Variants in ZCCHC14 observed in about 807,000 individuals in gnomAD.
ZCCHC14 encodes zinc finger CCHC domain-containing protein 14.
In ZCCHC14, 16 loss-of-function variants were observed where a neutral mutation model predicts 85.0. That is an observed-to-expected ratio of 0.19 (90% CI 0.13 to 0.29). The LOEUF (loss-of-function observed/expected upper bound fraction) is 0.29. ZCCHC14 is among the 10% of genes least tolerant of loss of function. The pLI is 1.00. For synonymous variants in ZCCHC14, 775 were observed against 630.7 expected (o/e 1.23, Z -3.43); for missense variants, 1,303 against 1,443.5 (o/e 0.90, Z 1.58).
Position 87,483,473 on chromosome 16 carries a change from A to G in ZCCHC14, c.570+8196T>C, listed in dbSNP as rs1272856022. 1.3e-5 allele frequency among the ~76,000 whole-genome samples: 2 copies of G among 151,612 alleles called. 1 individual carries two copies. Among genetic ancestry groups the G allele is most frequent in the South Asian group, 4.2e-4 (2 of 4,796 alleles). ...ACCAGTGCACTCCAGCCTGGGTGAC[A>G]GAGTGAGACTCTGTCTCAAATAAAG... On this transcript the variant is annotated intron_variant, in intron 1 of 12. Transcript: ENST00000671377.
intron 1 of ZCCHC14, among the ~76,000 whole-genome samples, chr16:87,483,440 G>A (rs767088964): frequency 6.7e-6 from 1 of 149,770 alleles, no homozygotes; most frequent in African/African-American, 2.5e-5. Context: ...GCAGTGAACC[G>A]AGATCACACC....
intron 1 of ZCCHC14, among the ~76,000 whole-genome samples, chr16:87,469,790 A>G (rs1016478352): frequency 6.6e-5 from 10 of 152,154 alleles, no homozygotes; most frequent in African/African-American, 2.4e-4. Context: ...TGTCTACAGC[A>G]TCTGCTGCAC....
chr16:87,431,321 A>G (rs531857975), intron 3 of ZCCHC14, among the ~76,000 whole-genome samples: 96 of 151,922 alleles, frequency 6.3e-4, no homozygotes, highest in African/African-American at 2.3e-3. Flanking sequence ...AAAATACAAA[A>G]AATTAGCTGG....
chr16:87,464,727 T>G (rs1911440310), intron 1 of ZCCHC14, among the ~76,000 whole-genome samples: 1 of 152,230 alleles, frequency 6.6e-6, no homozygotes. Flanking sequence ...CAACCAAGCC[T>G]TTATCGTAAC....
intron 1 of ZCCHC14, chr16:87,467,307 G>C: frequency 6.3e-7 from 1 of 1,582,078 alleles, no homozygotes; most frequent in Non-Finnish European, 8.7e-7. Context: ...CCTCAATAAT[G>C]TAACACTGCC....
chr16:87,446,800 C>T (rs1252144475), intron 2 of ZCCHC14, among the ~76,000 whole-genome samples: 1 of 152,056 alleles, frequency 6.6e-6, no homozygotes, highest in African/African-American at 2.4e-5. Context: ...TCTCTTGTCT[C>T]AGCCTCCCGA....
At chr16:87,466,345 C>A (rs1567537248) in intron 1 of ZCCHC14, among the ~76,000 whole-genome samples, 1 of 152,220 alleles carries the variant, frequency 6.6e-6, no homozygotes, top group African/African-American at 2.4e-5. Context: ...GATGGAAGCA[C>A]AGCCCCCCAA....
chr16:87,475,715 G>C (rs965692669), intron 1 of ZCCHC14, among the ~76,000 whole-genome samples: 8 of 152,128 alleles, frequency 5.3e-5, no homozygotes, highest in Admixed American at 5.2e-4. Context: ...AAAGAACAGA[G>C]AGAGAAAAAG....
Position 87,467,432 on chromosome 16 carries a change from TAATAA to T in ZCCHC14, c.571-7306_571-7302del, listed in dbSNP as rs1911575610. The T allele has an allele frequency of 3.7e-6, 6 of 1,603,448 alleles. No individual in the cohort carries two copies. The South Asian group carries it at 5.5e-5, about 15-fold the overall frequency. Reference sequence around the variant, plus strand: ...GCTCTCCTGGAGCAAATATGATTGGTAATAAAATGTCTGCCATTTCTGTTCACGGT... The same window carrying T: ...GCTCTCCTGGAGCAAATATGATTGGTAATGTCTGCCATTTCTGTTCACGGT... On this transcript the variant is annotated intron_variant, in intron 1 of 12. Coordinates refer to ENST00000671377, the MANE Select transcript of ZCCHC14 (RefSeq NM_015144.3).
intron 1 of ZCCHC14, among the ~76,000 whole-genome samples, chr16:87,463,802 G>A (rs1911389239): frequency 1.3e-5 from 2 of 152,110 alleles, no homozygotes; most frequent in South Asian, 2.1e-4. Flanking sequence ...TCCATCCCGG[G>A]TGACAGAGCA....
At chr16:87,444,038 G>GAAA (rs56352252) in intron 2 of ZCCHC14, among the ~76,000 whole-genome samples, 864 of 76,498 alleles carry the variant, frequency 0.011, no homozygotes, top group Non-Finnish European at 0.016. Context: ...CTCTATCACA[G>GAAA]AAAAAAAAAA....
chr16:87,461,742 C>G (rs149121192), intron 1 of ZCCHC14, among the ~76,000 whole-genome samples: 1 of 152,178 alleles, frequency 6.6e-6, no homozygotes, highest in Non-Finnish European at 1.5e-5. Flanking sequence ...GCTGCCACTC[C>G]GGCAGGACCA....
At position 87,417,688 on chromosome 16, in the gene ZCCHC14, G is replaced by A. The variant is rs375454012; in HGVS notation, c.1155C>T (p.His385=). 182 of 1,609,928 alleles carry A rather than the reference G, an allele frequency of 1.1e-4. No homozygotes were observed. Among genetic ancestry groups the A allele is most frequent in the Admixed American group, 2.0e-4 (12 of 59,888 alleles). The change falls in exon 8 of 13, where the codon CAC becomes CAT. Residue 385 remains histidine (H), a synonymous_variant. Transcript: ENST00000671377. Reference sequence around the variant, plus strand: ...CGGCGGAGCCGGCCGGGTGCTGCCCGTGGTGCTGGGCTCCGCTCTGCGAGG... The same window carrying A: ...CGGCGGAGCCGGCCGGGTGCTGCCCATGGTGCTGGGCTCCGCTCTGCGAGG... The part of the protein sequence containing the change: ...IPSSQSGAQH[H]GQHPAGSAAP...
Position 87,419,008 on chromosome 16 carries a change from G to T in ZCCHC14, c.1046-107C>A, listed in dbSNP as rs184348796. The T allele has an allele frequency of 1.6e-5, 17 of 1,058,516 alleles. No homozygotes were observed. In the Admixed American group the frequency reaches 3.5e-4, roughly 22 times the overall value. 65.6% of individuals were successfully genotyped at this position (1,058,516 alleles called of 1,614,324 possible). A position where few individuals can be genotyped will look rare whatever the true frequency, so the allele number is the denominator to read the frequency against. ...TTTTGCTCTTGTTGCCCAGGCTGGAGAGCAATGGTGCGATCTCGGCTCACT... is the reference window on the plus strand; with the variant it reads ...TTTTGCTCTTGTTGCCCAGGCTGGATAGCAATGGTGCGATCTCGGCTCACT... On this transcript the variant is annotated intron_variant, in intron 6 of 12. Transcript: ENST00000671377.
At chr16:87,434,990 CAAAAAAAAAA>C (rs35789742) in intron 2 of ZCCHC14, among the ~76,000 whole-genome samples, 2 of 74,386 alleles carry the variant, frequency 2.7e-5, no homozygotes, top group Admixed American at 1.8e-4. Flanking sequence ...GACTTCGCCT[CAAAAAAAAAA>C]AAAAAAAAAA....
chr16:87,467,860 C>T (rs1911599683), intron 1 of ZCCHC14, among the ~76,000 whole-genome samples: 1 of 152,164 alleles, frequency 6.6e-6, no homozygotes, highest in East Asian at 1.9e-4. Flanking sequence ...ACCGTGTTAG[C>T]CAGGATAGTT....
chr16:87,415,637 AC>A (rs1908742665), intron 8 of ZCCHC14, among the ~76,000 whole-genome samples: 1 of 152,172 alleles, frequency 6.6e-6, no homozygotes, highest in Non-Finnish European at 1.5e-5. Context: ...GGATGGGTGC[AC>A]CACCTCACAG....
chr16:87,490,352 A>G (rs6540051), intron 1 of ZCCHC14, among the ~76,000 whole-genome samples: 151,374 of 152,362 alleles, frequency 0.99, 75,211 homozygotes, highest in Middle Eastern at 1. Context: ...CTGCAAAGAG[A>G]CACTGAGCAA....
At chr16:87,465,580 T>C (rs1009432873) in intron 1 of ZCCHC14, among the ~76,000 whole-genome samples, 3 of 152,202 alleles carry the variant, frequency 2.0e-5, no homozygotes, top group African/African-American at 7.2e-5. Flanking sequence ...AGCCCGCCTC[T>C]GGCTCTTATG....
Sources: allele counts gnomAD v4.1 joint callset (sites outside exome capture counted in the v4.1 genomes callset), GRCh38; gene constraint gnomAD v4.1.1; transcripts MANE v1.5; gene names NCBI Gene and HGNC (gene_info 2026-07-23, HGNC 2026-07-21).